FBXW2: variants seen among roughly 807,000 people sequenced by gnomAD.
FBXW2 encodes the protein F-box and WD repeat domain containing 2, also known as F-box/WD repeat-containing protein 2.
In FBXW2, 12 loss-of-function variants were observed where a neutral mutation model predicts 46.0. The observed-to-expected ratio is 0.26, with a 90% confidence interval of 0.17 to 0.42. The LOEUF (loss-of-function observed/expected upper bound fraction) is 0.42. Ranked by LOEUF, FBXW2 falls within the 10% of genes least tolerant of loss-of-function variation. The probability of loss-of-function intolerance (pLI) is 1.00; values close to 1 mark genes in which losing one functional copy is unlikely to be tolerated. For missense variants in FBXW2, 360 were observed against 537.0 expected (o/e 0.67, Z 3.26); for synonymous variants, 203 against 209.6 (o/e 0.97, Z 0.27).
At chr9:120,765,608 T>A (rs2044262565) in intron 7 of FBXW2, among the ~76,000 whole-genome samples, 1 of 152,122 alleles carries the variant, frequency 6.6e-6, no homozygotes, top group African/African-American at 2.4e-5. Flanking sequence ...ATTCATCAAC[T>A]CCTAGAATAC....
chr9:120,767,899 C>G (rs1194408820), intron 7 of FBXW2, among the ~76,000 whole-genome samples: 1 of 152,160 alleles, frequency 6.6e-6, no homozygotes, highest in Admixed American at 6.5e-5. Flanking sequence ...AGCTCTAGTC[C>G]AAGACACCAT....
At chr9:120,779,598 A>T (rs1433100329) in intron 3 of FBXW2, among the ~76,000 whole-genome samples, 1 of 152,240 alleles carries the variant, frequency 6.6e-6, no homozygotes, top group Non-Finnish European at 1.5e-5. Context: ...TTCCTTCTGT[A>T]TAAAAAGAGG....
chr9:120,771,603 CAGAT>C, intron 6 of FBXW2, 86 bp from the exon 7 acceptor site: 1 of 1,242,968 alleles, frequency 8.0e-7, no homozygotes, highest in Non-Finnish European at 1.1e-6. Context: ...TTTGTGAAGT[CAGAT>C]AGAAAGTGAA....
At position 120,760,995 on chromosome 9, in the gene FBXW2, C is replaced by T. The variant is rs184736270; in HGVS notation, c.*3564G>A. On this transcript the variant is annotated 3_prime_UTR_variant, in exon 8 of 8. Transcript: ENST00000608872. Reference sequence around the variant, plus strand: ...TAAACTACGAAAAATGAAGTGCAAACCTTACAATTTCATAGCAATGTTCCC... The same window carrying T: ...TAAACTACGAAAAATGAAGTGCAAATCTTACAATTTCATAGCAATGTTCCC... 4.8e-4 allele frequency: 73 copies of T among 152,312 alleles called. No individual in the cohort carries two copies. Among genetic ancestry groups the T allele is most frequent in the African/African-American group, 1.7e-3 (69 of 41,560 alleles). 9.4% of individuals were successfully genotyped at this position (152,312 alleles called of 1,614,324 possible).
At chr9:120,772,556 T>C (rs998390786) in intron 6 of FBXW2, among the ~76,000 whole-genome samples, 198 bp downstream of exon 6, 3 of 152,198 alleles carry the variant, frequency 2.0e-5, no homozygotes, top group Non-Finnish European at 2.9e-5. Flanking sequence ...TTCTTTTTCA[T>C]TTACAAATCC....
rs367930419 is a variant in FBXW2, at chr9:120,764,676, C to A, written c.1248G>T (p.Leu416=). Residue 416 remains leucine, a synonymous_variant, in exon 8 of 8, where the codon CTG becomes CTT. Transcript: ENST00000608872. Reference sequence around the variant, plus strand: ...CATTCAGCCAGGATGCTTCGCCTGCCAGGAAGCTTGAGCCTCTCTTTGATT... The same window carrying A: ...CATTCAGCCAGGATGCTTCGCCTGCAAGGAAGCTTGAGCCTCTCTTTGATT... ...YRKSKRGSSF[L]AGEASWLNGL... The A allele has an allele frequency of 3.7e-6, 6 of 1,614,084 alleles. No individual in the cohort carries two copies. The African/African-American group carries it at 8.0e-5, about 22-fold the overall frequency.
At chr9:120,765,948 A>T (rs927618244) in intron 7 of FBXW2, among the ~76,000 whole-genome samples, 9 of 152,148 alleles carry the variant, frequency 5.9e-5, no homozygotes, top group Non-Finnish European at 2.9e-5. Flanking sequence ...AACAAAAAAC[A>T]ACTTAGCTTC....
chr9:120,767,460 T>C (rs897492876), intron 7 of FBXW2, among the ~76,000 whole-genome samples: 3 of 152,178 alleles, frequency 2.0e-5, no homozygotes, highest in Admixed American at 2.0e-4. Flanking sequence ...TGGAGTCTGA[T>C]CCCAGGGAAA....
intron 7 of FBXW2, among the ~76,000 whole-genome samples, chr9:120,769,988 G>A (rs2044342162): frequency 6.6e-6 from 1 of 151,936 alleles, no homozygotes; most frequent in Admixed American, 6.6e-5. Context: ...CATAAATGGG[G>A]TTGTAACTTT....
chr9:120,784,606 G>A lies in FBXW2; in HGVS notation c.490+3163C>T, dbSNP rs934831336. Reference sequence around the variant, plus strand: ...TCCAGGATGGAGCTACCCAGTGAGAGGTTGTCTCCAAAAAAGAAAAAAAAA... The same window carrying A: ...TCCAGGATGGAGCTACCCAGTGAGAAGTTGTCTCCAAAAAAGAAAAAAAAA... On this transcript the variant is annotated intron_variant, in intron 3 of 7. Coordinates refer to ENST00000608872, the MANE Select transcript of FBXW2 (RefSeq NM_012164.4). 6.6e-5 allele frequency among the ~76,000 whole-genome samples: 10 copies of A among 151,456 alleles called. No individual in the cohort carries two copies. The East Asian group carries it at 1.9e-3, about 29-fold the overall frequency.
At chr9:120,774,968 T>C (rs2044461073) in intron 5 of FBXW2, among the ~76,000 whole-genome samples, 1 of 152,182 alleles carries the variant, frequency 6.6e-6, no homozygotes, top group African/African-American at 2.4e-5. Context: ...TCTGAAACAA[T>C]CTTTCAGCTA....
Position 120,759,734 on chromosome 9 carries a change from G to C in FBXW2, c.*4825C>G, listed in dbSNP as rs942453743. The C allele has an allele frequency of 6.6e-6, 1 of 152,234 alleles. No homozygotes were observed. Among genetic ancestry groups the C allele is most frequent in the African/African-American group, 2.4e-5 (1 of 41,454 alleles). The allele number at this position is 152,234 out of a possible 1,614,324, so 9.4% of individuals were successfully genotyped here. A position where few individuals can be genotyped will look rare whatever the true frequency, so the allele number is the denominator to read the frequency against. On this transcript the variant is annotated 3_prime_UTR_variant, in exon 8 of 8. Transcript: ENST00000608872. Reference sequence around the variant, plus strand: ...ATATTTACTTGGGCACATTTATGAAGAGTAGAAGTAGCTGAATTCTTTAGG... The same window carrying C: ...ATATTTACTTGGGCACATTTATGAACAGTAGAAGTAGCTGAATTCTTTAGG...
intron 3 of FBXW2, among the ~76,000 whole-genome samples, chr9:120,784,163 C>T (rs2044671298): frequency 6.6e-6 from 1 of 152,090 alleles, no homozygotes; most frequent in African/African-American, 2.4e-5. Flanking sequence ...TACAGACCCA[C>T]CAAGAGAATA....
rs2044141722 is a variant in FBXW2 at position 120,757,149 on chromosome 9, C to A, written c.*7410G>T. 5.1e-5 allele frequency: 6 copies of A among 117,362 alleles called. No homozygotes were observed. In the Admixed American group the frequency reaches 6.5e-4, roughly 13 times the overall value. 7.3% of individuals were successfully genotyped at this position (117,362 alleles called of 1,614,324 possible). A position where few individuals can be genotyped will look rare whatever the true frequency, so the allele number is the denominator to read the frequency against. ...CACATAAAAATATGTCATTTTCTCT[C>A]TAGTCCCCTCCCCCATAAAAATGTT... On this transcript the variant is annotated 3_prime_UTR_variant, in exon 8 of 8. Coordinates refer to ENST00000608872, the MANE Select transcript of FBXW2 (RefSeq NM_012164.4).
At chr9:120,791,693 T>C (rs557919712) in intron 2 of FBXW2, among the ~76,000 whole-genome samples, 2 of 152,340 alleles carry the variant, frequency 1.3e-5, no homozygotes, top group South Asian at 2.1e-4. Flanking sequence ...CTCTTCAAAA[T>C]ACCTGGAAGA....
chr9:120,780,292 T>C (rs1251350436), intron 3 of FBXW2, among the ~76,000 whole-genome samples: 7 of 151,194 alleles, frequency 4.6e-5, no homozygotes, highest in South Asian at 2.1e-4. Flanking sequence ...CGGGAGGAGG[T>C]TGTAGTGAGC....
chr9:120,787,452 A>G (rs369636728), intron 3 of FBXW2, among the ~76,000 whole-genome samples: 1 of 152,336 alleles, frequency 6.6e-6, no homozygotes, highest in African/African-American at 2.4e-5. Flanking sequence ...TGCCAACAGA[A>G]AAAGAAACAG....
Position 120,758,354 on chromosome 9 carries a change from G to C in FBXW2, c.*6205C>G, listed in dbSNP as rs376428599. ...AGGGTGGAAATAAATAGAGGAGCAA[G>C]AACTGTTTGCTCGAAGAAATTAGCT... is the stretch of plus-strand genomic sequence containing the variant. On this transcript the variant is annotated 3_prime_UTR_variant, in exon 8 of 8. Transcript: ENST00000608872. The C allele has an allele frequency of 6.6e-6, 1 of 152,230 alleles. No homozygotes were observed. The highest frequency in any genetic ancestry group is 1.9e-4 in the East Asian group (1 of 5,204). The allele number at this position is 152,230 out of a possible 1,614,324, so 9.4% of individuals were successfully genotyped here.
intron 2 of FBXW2, among the ~76,000 whole-genome samples, chr9:120,791,165 C>T (rs1312905380): frequency 6.6e-6 from 1 of 152,168 alleles, no homozygotes; most frequent in Non-Finnish European, 1.5e-5. Flanking sequence ...CAGGTCTAAA[C>T]TGGACTCTTT....
Sources: allele counts gnomAD v4.1 joint callset (sites outside exome capture counted in the v4.1 genomes callset), GRCh38; gene constraint gnomAD v4.1.1; transcripts MANE v1.5; gene names NCBI Gene and HGNC (gene_info 2026-07-23, HGNC 2026-07-21).